PDE4B: variants seen among roughly 807,000 people sequenced by gnomAD.
PDE4B encodes the protein phosphodiesterase 4B, also known as 3',5'-cyclic-AMP phosphodiesterase 4B.
In PDE4B, 20 loss-of-function variants were observed where a neutral mutation model predicts 82.2. The observed-to-expected ratio is 0.24, with a 90% confidence interval of 0.17 to 0.35. PDE4B has a LOEUF of 0.35. PDE4B is among the 10% of genes least tolerant of loss of function. The pLI, the probability that PDE4B is intolerant of heterozygous loss-of-function variation, is 1.00. For missense variants in PDE4B, 655 were observed against 907.2 expected, an observed-to-expected ratio of 0.72 and a Z score of 3.57; for synonymous variants, 320 against 318.9, an observed-to-expected ratio of 1.00 and a Z score of -0.04.
intron 16 of PDE4B, among the ~76,000 whole-genome samples, chr1:66,370,469 T>G (rs1463329232): frequency 6.6e-6 from 1 of 152,200 alleles, no homozygotes; most frequent in African/African-American, 2.4e-5. Flanking sequence ...GCTGTCCTCT[T>G]GGTCCACTAC....
At position 66,192,576 on chromosome 1, in the gene PDE4B, C is replaced by G. The variant is rs150218895; in HGVS notation, c.282-54884C>G. Among the ~76,000 whole-genome samples the G allele has an allele frequency of 2.0e-5, 3 of 152,314 alleles. No homozygotes were observed. In the East Asian group the frequency reaches 5.8e-4, roughly 29 times the overall value. On this transcript the variant is annotated intron_variant, in intron 3 of 16. Transcript: ENST00000341517. Reference sequence around the variant, plus strand: ...TCCTTCATATTTATACCCATTACCCCTAGCGGAGTCTCAGTCACCTGTGAG... The same window carrying G: ...TCCTTCATATTTATACCCATTACCCGTAGCGGAGTCTCAGTCACCTGTGAG...
At chr1:66,056,590 G>A (rs1404289175) in intron 3 of PDE4B, among the ~76,000 whole-genome samples, 1 of 151,624 alleles carries the variant, frequency 6.6e-6, no homozygotes, top group African/African-American at 2.4e-5. Flanking sequence ...TTGTGGATGT[G>A]ATTAAAGATA....
chr1:66,124,539 G>C (rs1645779335), intron 3 of PDE4B, among the ~76,000 whole-genome samples: 4 of 152,146 alleles, frequency 2.6e-5, no homozygotes. Context: ...TGGGGAAACT[G>C]AAACACATAA....
intron 3 of PDE4B, among the ~76,000 whole-genome samples, chr1:66,106,275 C>G (rs1389574170): frequency 6.6e-6 from 1 of 151,342 alleles, no homozygotes; most frequent in Non-Finnish European, 1.5e-5. Flanking sequence ...GCCTTGCATC[C>G]CAGGGATGAA....
chr1:66,071,074 G>A (rs937614900), intron 3 of PDE4B, among the ~76,000 whole-genome samples: 1 of 151,808 alleles, frequency 6.6e-6, no homozygotes, highest in Non-Finnish European at 1.5e-5. Flanking sequence ...TTTTCTTAAT[G>A]AAGTTTAAAT....
intron 3 of PDE4B, among the ~76,000 whole-genome samples, chr1:66,096,068 A>G (rs183289258): frequency 2.0e-5 from 3 of 151,750 alleles, no homozygotes; most frequent in African/African-American, 4.8e-5. Flanking sequence ...ACTGTATATT[A>G]TTGTTGACTA....
intron 3 of PDE4B, among the ~76,000 whole-genome samples, chr1:66,126,942 T>G (rs947898467): frequency 3.3e-5 from 5 of 152,186 alleles, no homozygotes; most frequent in African/African-American, 9.7e-5. Context: ...AAGGACATTC[T>G]GCAAAATGAC....
At chr1:66,089,418 G>A (rs536557987) in intron 3 of PDE4B, among the ~76,000 whole-genome samples, 29 of 152,060 alleles carry the variant, frequency 1.9e-4, no homozygotes, top group Non-Finnish European at 3.7e-4. Context: ...GTTTATCTGA[G>A]AAATTGTTAA....
At chr1:65,838,014 T>A (rs969867069) in intron 1 of PDE4B, among the ~76,000 whole-genome samples, 2 of 152,216 alleles carry the variant, frequency 1.3e-5, no homozygotes, top group African/African-American at 4.8e-5. Flanking sequence ...TTTTGCAGTA[T>A]TTTCTACCAC....
intron 3 of PDE4B, among the ~76,000 whole-genome samples, chr1:66,191,583 T>C (rs1267405935): frequency 1.3e-5 from 2 of 152,180 alleles, no homozygotes; most frequent in East Asian, 3.9e-4. Flanking sequence ...ATGACCCTAC[T>C]TATGTGTCTG....
chr1:65,859,212 AT>A (rs1646427028), intron 1 of PDE4B, among the ~76,000 whole-genome samples: 1 of 152,098 alleles, frequency 6.6e-6, no homozygotes, highest in South Asian at 2.1e-4. Context: ...ATTATATAAA[AT>A]AATTGATATA....
Position 65,883,867 on chromosome 1 carries a change from T to G in PDE4B, c.-70-29378T>G, listed in dbSNP as rs1417997147. On this transcript the variant is annotated intron_variant, in intron 1 of 16. Coordinates refer to ENST00000341517, the MANE Select transcript of PDE4B (RefSeq NM_002600.4). Reference sequence around the variant, plus strand: ...ATTTATTGAGAGTTTTCAGCATGAATGGCCGTTGAATTTTGTCAAAGGCCT... The same window carrying G: ...ATTTATTGAGAGTTTTCAGCATGAAGGGCCGTTGAATTTTGTCAAAGGCCT... 1.2e-4 allele frequency among the ~76,000 whole-genome samples: 18 copies of G among 152,274 alleles called. No individual in the cohort carries two copies. In the East Asian group the frequency reaches 3.5e-3, roughly 29 times the overall value.
chr1:66,368,222 CA>C, intron 15 of PDE4B, 157 bp downstream of exon 15: 1 of 623,578 alleles, frequency 1.6e-6, no homozygotes, highest in Non-Finnish European at 2.6e-6. Context: ...GGAAAATGGA[CA>C]TTCAAGTTTA....
chr1:65,867,198 C>T (rs949784753), intron 1 of PDE4B, among the ~76,000 whole-genome samples: 1 of 151,974 alleles, frequency 6.6e-6, no homozygotes, highest in African/African-American at 2.4e-5. Context: ...TTAAAAGCCC[C>T]TTAGGAACAC....
At chr1:66,336,466 G>A (rs1262766420) in intron 8 of PDE4B, among the ~76,000 whole-genome samples, 1 of 152,110 alleles carries the variant, frequency 6.6e-6, no homozygotes, top group African/African-American at 2.4e-5. Flanking sequence ...ACATACTGTG[G>A]TATTCAGAAA....
intron 3 of PDE4B, chr1:65,992,767 G>C: frequency 7.1e-7 from 1 of 1,409,744 alleles, no homozygotes; most frequent in Non-Finnish European, 9.2e-7. Flanking sequence ...GCTCTAAGAC[G>C]CTCATACATT....
chr1:66,188,930 C>T (rs182830878), intron 3 of PDE4B, among the ~76,000 whole-genome samples: 28 of 152,304 alleles, frequency 1.8e-4, no homozygotes, highest in African/African-American at 6.3e-4. Flanking sequence ...TTCCTATCCT[C>T]GATGGACTTT....
intron 3 of PDE4B, among the ~76,000 whole-genome samples, chr1:66,043,134 G>C (rs993595745): frequency 2.0e-5 from 3 of 151,732 alleles, no homozygotes; most frequent in Non-Finnish European, 4.4e-5. Flanking sequence ...AGTGCCTACT[G>C]AGTGCTTTTG....
intron 3 of PDE4B, among the ~76,000 whole-genome samples, chr1:66,169,456 A>G (rs1049309426): frequency 2.6e-5 from 4 of 152,166 alleles, no homozygotes; most frequent in Admixed American, 2.6e-4. Context: ...TTTGCTCTCT[A>G]ATCTTCTGTG....
Sources: allele counts gnomAD v4.1 joint callset (sites outside exome capture counted in the v4.1 genomes callset), GRCh38; gene constraint gnomAD v4.1.1; transcripts MANE v1.5; gene names NCBI Gene and HGNC (gene_info 2026-07-23, HGNC 2026-07-21).